RASGRP3: variants seen among roughly 807,000 people sequenced by gnomAD.
RASGRP3 encodes ras guanyl-releasing protein 3.
Under a neutral mutation model 82.7 loss-of-function variants are expected in RASGRP3, and 54 were observed. The observed-to-expected ratio is 0.65, with a 90% CI of 0.52 to 0.82. RASGRP3 has a LOEUF of 0.82. Ranked by LOEUF, RASGRP3 falls within the 40% of genes least tolerant of loss-of-function variation. The pLI is 0.00. For missense variants in RASGRP3, 861 were observed against 828.9 expected, an observed-to-expected ratio of 1.04 and a Z score of -0.48; for synonymous variants, 309 against 300.5, an observed-to-expected ratio of 1.03 and a Z score of -0.29.
Position 33,521,940 on chromosome 2 carries a change from A to G in RASGRP3, c.369-15A>G, listed in dbSNP as rs1558479850. 6.2e-7 allele frequency: 1 copy of G among 1,600,780 alleles called. No individual in the cohort carries two copies. The highest frequency in any genetic ancestry group is 8.5e-7 in the Non-Finnish European group (1 of 1,176,014). On this transcript the variant is annotated splice_polypyrimidine_tract_variant and intron_variant, in intron 6 of 17. Coordinates refer to ENST00000403687, the MANE Select transcript of RASGRP3 (RefSeq NM_001139488.2). ...GGCTTTCAACACATTGACCGGACTC[A>G]CTCTTCTTTTATAGTCCTTCCTATG...
intron 13 of RASGRP3, among the ~76,000 whole-genome samples, chr2:33,547,111 C>T (rs983641156): frequency 2.0e-5 from 3 of 149,614 alleles, no homozygotes; most frequent in Non-Finnish European, 1.5e-5. Flanking sequence ...TGCAGGAACG[C>T]GGATGGAAGT....
chr2:33,503,219 T>G (rs1050392772), intron 1 of RASGRP3, among the ~76,000 whole-genome samples: 1 of 152,234 alleles, frequency 6.6e-6, no homozygotes, highest in African/African-American at 2.4e-5. Context: ...AATGAATTTT[T>G]TTTGTTCTGA....
At chr2:33,475,195 T>C (rs1393951265), upstream of RASGRP3, among the ~76,000 whole-genome samples, 12 of 152,238 alleles carry the variant, frequency 7.9e-5, no homozygotes, top group Non-Finnish European at 7.3e-5. Context: ...TATTACTAAC[T>C]TGAAATGCTG....
intron 15 of RASGRP3, among the ~76,000 whole-genome samples, chr2:33,555,962 C>T (rs1269598937): frequency 1.3e-5 from 2 of 152,208 alleles, no homozygotes; most frequent in African/African-American, 4.8e-5. Context: ...ATTCCTTTCT[C>T]TACTAAATCA....
At chr2:33,549,885 A>T in intron 14 of RASGRP3, 134 bp downstream of exon 14, 6 of 1,144,248 alleles carry the variant, frequency 5.2e-6, no homozygotes, top group Non-Finnish European at 6.0e-6. Flanking sequence ...GCTCCCTGAA[A>T]TTGAAGATTA....
At chr2:33,545,105 T>C (rs1674609992) in intron 13 of RASGRP3, among the ~76,000 whole-genome samples, 2 of 152,232 alleles carry the variant, frequency 1.3e-5, no homozygotes, top group Admixed American at 1.3e-4. Context: ...CTAGTCTTCA[T>C]TTCTTTTATC....
chr2:33,527,442 A>G, intron 10 of RASGRP3, 30 bp downstream of exon 10: 1 of 1,584,766 alleles, frequency 6.3e-7, no homozygotes, highest in Non-Finnish European at 8.6e-7. Context: ...GTTTGGGCTC[A>G]ATAATTCTTC....
intron 13 of RASGRP3, among the ~76,000 whole-genome samples, chr2:33,545,690 C>A (rs1159006385): frequency 1.3e-5 from 2 of 152,112 alleles, no homozygotes; most frequent in Non-Finnish European, 2.9e-5. Flanking sequence ...AGAAGACATA[C>A]ATGTGGACAA....
intron 1 of RASGRP3, among the ~76,000 whole-genome samples, chr2:33,441,475 G>A (rs1665223469): frequency 1.3e-5 from 2 of 152,190 alleles, no homozygotes; most frequent in African/African-American, 2.4e-5. Context: ...GCAGAGCCAG[G>A]CACTAGAAGC....
intron 1 of RASGRP3, among the ~76,000 whole-genome samples, chr2:33,444,853 T>G (rs905175327): frequency 2.0e-5 from 3 of 152,240 alleles, no homozygotes; most frequent in African/African-American, 7.2e-5. Flanking sequence ...TGTAAAAGAC[T>G]TTATCATAAT....
At chr2:33,486,164 A>ATT (rs11288449) in intron 1 of RASGRP3, among the ~76,000 whole-genome samples, 1 of 135,624 alleles carries the variant, frequency 7.4e-6, no homozygotes, top group Non-Finnish European at 1.6e-5. Flanking sequence ...TCTTTTATTT[A>ATT]TTTTTTTTTT....
chr2:33,553,157 C>G (rs985789135), intron 14 of RASGRP3, among the ~76,000 whole-genome samples: 1 of 148,270 alleles, frequency 6.7e-6, no homozygotes, highest in African/African-American at 2.5e-5. Flanking sequence ...TAGGATGTCT[C>G]TTCTTAAATC....
At chr2:33,551,742 C>T (rs1424626633) in intron 14 of RASGRP3, among the ~76,000 whole-genome samples, 3 of 152,072 alleles carry the variant, frequency 2.0e-5, no homozygotes, top group African/African-American at 7.2e-5. Flanking sequence ...GCCTATAATC[C>T]CAGCACTTTG....
intron 1 of RASGRP3, among the ~76,000 whole-genome samples, chr2:33,508,208 T>C (rs1194749316): frequency 6.6e-6 from 1 of 152,138 alleles, no homozygotes; most frequent in African/African-American, 2.4e-5. Context: ...GCAGTATTGA[T>C]TTAGAGATGC....
rs967778342 is a variant in RASGRP3 at position 33,443,041 on chromosome 2, T to A, written c.-384-4779T>A. Among the ~76,000 whole-genome samples, 5 of 152,202 alleles carry A rather than the reference T, an allele frequency of 3.3e-5. No homozygotes were observed. In the South Asian group the frequency reaches 1.0e-3, roughly 32 times the overall value. The stretch of plus-strand genomic sequence containing the variant: ...AATATTCAGGGTCAGTGTGAACGCC[T>A]CCCTGTGCACATAGCTAGTAAAATG... On this transcript the variant is annotated intron_variant, in intron 1 of 18. Coordinates refer to the RASGRP3 transcript ENST00000402538.
intron 10 of RASGRP3, among the ~76,000 whole-genome samples, chr2:33,530,311 T>C (rs1672985550): frequency 6.6e-6 from 1 of 152,132 alleles, no homozygotes; most frequent in Non-Finnish European, 1.5e-5. Context: ...AGAACCCTTA[T>C]GTTCATCAAC....
chr2:33,537,314 A>C (rs1438148787), intron 11 of RASGRP3, among the ~76,000 whole-genome samples: 4 of 44,942 alleles, frequency 8.9e-5, no homozygotes, highest in East Asian at 5.2e-4. Flanking sequence ...ATACACACAC[A>C]CACACACCGC....
chr2:33,522,686 G>A (rs1043785434), intron 7 of RASGRP3, among the ~76,000 whole-genome samples: 11 of 151,860 alleles, frequency 7.2e-5, no homozygotes, highest in African/African-American at 2.2e-4. Flanking sequence ...CTCTCCTCCC[G>A]TTATGGTAAA....
chr2:33,460,202 T>TA (rs1292010340), intron 2 of RASGRP3, among the ~76,000 whole-genome samples: 1 of 152,144 alleles, frequency 6.6e-6, no homozygotes, highest in Non-Finnish European at 1.5e-5. Context: ...ATGCAACTAT[T>TA]AAAAAGAATA....
Sources: gnomAD v4.1 joint callset for allele counts (sites outside exome capture counted in the v4.1 genomes callset) on GRCh38, gnomAD v4.1.1 for gene constraint, MANE v1.5 for transcripts, NCBI Gene and HGNC (gene_info 2026-07-23, HGNC 2026-07-21) for gene names.